ENOX1: variants seen among roughly 807,000 people sequenced by gnomAD.
ENOX1 encodes the protein candidate growth-related and time keeping constitutive hydroquinone (NADH) oxidase.
A neutral mutation model predicts 82.5 loss-of-function variants in ENOX1; 42 were observed. That is an observed-to-expected ratio of 0.51 (90% CI 0.40 to 0.66). The LOEUF (loss-of-function observed/expected upper bound fraction) is 0.66, where lower values mean the gene tolerates loss of function less well. Ranked by LOEUF, ENOX1 falls within the 30% of genes least tolerant of loss-of-function variation. ENOX1 has a pLI of 0.00. For synonymous variants in ENOX1, 271 were observed against 282.2 expected (o/e 0.96, Z 0.40); for missense variants, 608 against 811.6 (o/e 0.75, Z 3.05).
chr13:43,556,136 T>C (rs911461006), intron 2 of ENOX1, among the ~76,000 whole-genome samples: 3 of 152,134 alleles, frequency 2.0e-5, no homozygotes, highest in Non-Finnish European at 2.9e-5. Context: ...ACGTAAATAA[T>C]TGTATTTTTT....
intron 9 of ENOX1, among the ~76,000 whole-genome samples, chr13:43,333,730 C>A (rs1347959347): frequency 6.6e-6 from 1 of 152,254 alleles, no homozygotes; most frequent in Non-Finnish European, 1.5e-5. Context: ...TCAAGTGATT[C>A]TTCAGCCTCA....
At position 43,591,342 on chromosome 13, in the gene ENOX1, A is replaced by G. The variant is rs1593989346; in HGVS notation, c.-219+76137T>C. Among the ~76,000 whole-genome samples the G allele has an allele frequency of 3.3e-5, 5 of 152,270 alleles. No individual in the cohort carries two copies. The South Asian group carries it at 1.0e-3, about 31-fold the overall frequency. On this transcript the variant is annotated intron_variant, in intron 2 of 16. Coordinates refer to ENST00000690772, the MANE Select transcript of ENOX1 (RefSeq NM_001347969.2). ...AGTGTAGCTACACAAATTAATACAG[A>G]TAAATCTCAGGGATAAAATGTTGAA... is the stretch of plus-strand genomic sequence containing the variant.
At position 43,375,692 on chromosome 13, in the gene ENOX1, C is replaced by CACTG. The variant is rs369472103; in HGVS notation, c.209-14244_209-14241dup. Among the ~76,000 whole-genome samples, 365 of 152,292 alleles carry CACTG rather than the reference C, an allele frequency of 2.4e-3. 3 individuals carry two copies. The highest frequency in any genetic ancestry group is 8.2e-3 in the African/African-American group (341 of 41,540). On this transcript the variant is annotated intron_variant, in intron 5 of 16. Coordinates refer to ENST00000690772, the MANE Select transcript of ENOX1 (RefSeq NM_001347969.2). ...AGTGAAAGTATCTATCTAGCTAAGCCACTGTATCCCCAAAGCCAAGCACAG... is the reference window on the plus strand; with the variant it reads ...AGTGAAAGTATCTATCTAGCTAAGCCACTGACTGTATCCCCAAAGCCAAGCACAG...
rs528517236 is a variant in ENOX1, at chr13:43,676,047, A to G, written c.-284-8503T>C. ...TTAAATTATGAACCACAAGGCATCT[A>G]CTGCACAAGCTCTCCAAATCCTTCT... On this transcript the variant is annotated intron_variant, in intron 1 of 16. Coordinates refer to ENST00000690772, the MANE Select transcript of ENOX1 (RefSeq NM_001347969.2). Among the ~76,000 whole-genome samples the G allele has an allele frequency of 8.5e-5, 13 of 152,316 alleles. No homozygotes were observed. The East Asian group carries it at 2.3e-3, about 27-fold the overall frequency.
chr13:43,361,875 G>C (rs574986421), intron 5 of ENOX1, among the ~76,000 whole-genome samples: 8 of 151,492 alleles, frequency 5.3e-5, no homozygotes, highest in African/African-American at 1.9e-4. Context: ...TTCATCAAAA[G>C]AGCCTTCTTA....
chr13:43,689,382 GACAAA>G (rs988974890), intron 1 of ENOX1, among the ~76,000 whole-genome samples: 1 of 152,154 alleles, frequency 6.6e-6, no homozygotes, highest in African/African-American at 2.4e-5. Flanking sequence ...GTAGAAGAAT[GACAAA>G]ACAAAAATAA....
At chr13:43,243,341 T>C (rs73173901) in intron 14 of ENOX1, among the ~76,000 whole-genome samples, 13,043 of 152,224 alleles carry the variant, frequency 0.086, 756 homozygotes, top group Non-Finnish European at 0.13. Flanking sequence ...CATTCTCTAC[T>C]ATCCCCTAAG....
intron 11 of ENOX1, among the ~76,000 whole-genome samples, chr13:43,312,952 C>T (rs1036614104): frequency 6.6e-6 from 1 of 152,198 alleles, no homozygotes. Flanking sequence ...ACCTTTGCCT[C>T]TAAAAGGCAT....
intron 2 of ENOX1, among the ~76,000 whole-genome samples, chr13:43,639,197 G>A (rs2083527629): frequency 6.6e-6 from 1 of 152,152 alleles, no homozygotes; most frequent in Admixed American, 6.5e-5. Context: ...AGCTACTCAG[G>A]AGGCTGAGGC....
At chr13:43,378,666 T>C (rs1327507379) in intron 5 of ENOX1, among the ~76,000 whole-genome samples, 1 of 152,128 alleles carries the variant, frequency 6.6e-6, no homozygotes, top group East Asian at 1.9e-4. Flanking sequence ...AAAGCAAGCC[T>C]CAAAAGGTTC....
At chr13:43,714,968 G>T (rs140346477) in intron 1 of ENOX1, among the ~76,000 whole-genome samples, 15,568 of 152,110 alleles carry the variant, frequency 0.1, 1,350 homozygotes, top group East Asian at 0.26. Flanking sequence ...GTTAGCTGGT[G>T]ATTTTGCTCG....
intron 2 of ENOX1, among the ~76,000 whole-genome samples, chr13:43,645,607 A>G (rs983655715): frequency 6.6e-6 from 1 of 152,220 alleles, no homozygotes; most frequent in African/African-American, 2.4e-5. Flanking sequence ...TTTCATTACA[A>G]TATCAATTAA....
chr13:43,414,747 T>C (rs1276775889), intron 3 of ENOX1, among the ~76,000 whole-genome samples: 1 of 152,180 alleles, frequency 6.6e-6, no homozygotes, highest in African/African-American at 2.4e-5. Flanking sequence ...TCTCCCCAAA[T>C]GAAGTTTAGT....
chr13:43,755,603 G>A (rs958335535), intron 1 of ENOX1, among the ~76,000 whole-genome samples: 5 of 152,066 alleles, frequency 3.3e-5, no homozygotes, highest in African/African-American at 1.2e-4. Flanking sequence ...GCCCAATTAA[G>A]CCTAGATAAG....
intron 3 of ENOX1, among the ~76,000 whole-genome samples, chr13:43,432,761 T>A (rs2055756689): frequency 6.6e-6 from 1 of 152,230 alleles, no homozygotes. Flanking sequence ...GAATTGCTTT[T>A]GTGGTTATTA....
intron 3 of ENOX1, among the ~76,000 whole-genome samples, chr13:43,430,851 C>A (rs1305196062): frequency 6.6e-6 from 1 of 152,134 alleles, no homozygotes; most frequent in Non-Finnish European, 1.5e-5. Context: ...TATTTAAATA[C>A]CACATGGATG....
At chr13:43,287,863 CGAGAATTG>C (rs1167888564) in intron 12 of ENOX1, among the ~76,000 whole-genome samples, 1 of 152,102 alleles carries the variant, frequency 6.6e-6, no homozygotes, top group Non-Finnish European at 1.5e-5. Flanking sequence ...AGCCCTGGGC[CGAGAATTG>C]GAGAATTGGT....
At chr13:43,652,573 G>A (rs941207054) in intron 2 of ENOX1, among the ~76,000 whole-genome samples, 3 of 152,188 alleles carry the variant, frequency 2.0e-5, no homozygotes, top group African/African-American at 7.2e-5. Context: ...TAAGGTGGAG[G>A]AGGGTGACTA....
At chr13:43,275,052 C>T (rs897245257) in intron 12 of ENOX1, among the ~76,000 whole-genome samples, 2 of 152,202 alleles carry the variant, frequency 1.3e-5, no homozygotes, top group Non-Finnish European at 2.9e-5. Context: ...TACCTCAACC[C>T]GTGGTTTCTA....
Sources: allele counts gnomAD v4.1 joint callset (sites outside exome capture counted in the v4.1 genomes callset), GRCh38; gene constraint gnomAD v4.1.1; transcripts MANE v1.5; gene names NCBI Gene and HGNC (gene_info 2026-07-23, HGNC 2026-07-21).